Variants in SLC35F4 observed in about 807,000 individuals in gnomAD.
SLC35F4 encodes the protein chromosome 14 open reading frame 36.
In SLC35F4, 24 loss-of-function variants were observed where a neutral mutation model predicts 44.2. The ratio of observed to expected loss-of-function variants is 0.54; its 90% confidence interval spans 0.39 to 0.76. The LOEUF (loss-of-function observed/expected upper bound fraction) is 0.76, where lower values mean the gene tolerates loss of function less well. Among genes scored for constraint, SLC35F4 ranks in the 30% least tolerant of loss-of-function variants. The pLI, the probability that SLC35F4 is intolerant of heterozygous loss-of-function variation, is 0.00. For missense variants in SLC35F4, 562 were observed against 586.1 expected (o/e 0.96, Z 0.42); for synonymous variants, 238 against 223.6 (o/e 1.06, Z -0.57).
At chr14:57,945,041 T>G (rs916423220) in intron 1 of SLC35F4, among the ~76,000 whole-genome samples, 1 of 151,932 alleles carries the variant, frequency 6.6e-6, no homozygotes, top group Non-Finnish European at 1.5e-5. Flanking sequence ...ATCGTCCTCA[T>G]TTTTCCTTTA....
intron 1 of SLC35F4, among the ~76,000 whole-genome samples, chr14:57,628,281 C>T (rs1458598920): frequency 6.9e-6 from 1 of 144,212 alleles, no homozygotes; most frequent in Non-Finnish European, 1.5e-5. Context: ...ATTTATTTCT[C>T]AAGAAAAGTA....
At chr14:57,728,441 C>CTTTTTTTTTTTTTTTTTTT (rs869064667) in intron 1 of SLC35F4, among the ~76,000 whole-genome samples, 3 of 59,026 alleles carry the variant, frequency 5.1e-5, no homozygotes, top group East Asian at 6.0e-4. Flanking sequence ...TTCTTTCTTT[C>CTTTTTTTTTTTTTTTTTTT]TTTTTTTTTT....
At chr14:57,613,413 C>T (rs141943348) in intron 1 of SLC35F4, among the ~76,000 whole-genome samples, 9 of 152,292 alleles carry the variant, frequency 5.9e-5, no homozygotes, top group South Asian at 2.1e-4. Flanking sequence ...GAGGAGATGG[C>T]GGTCTGTGCT....
intron 4 of SLC35F4, chr14:57,579,567 C>A (rs986183912): frequency 1.3e-5 from 2 of 152,152 alleles, no homozygotes; most frequent in African/African-American, 4.8e-5. Context: ...ACTAAAAGAA[C>A]AAAAGAGCCT....
At chr14:57,684,842 G>T (rs1327388930) in intron 1 of SLC35F4, among the ~76,000 whole-genome samples, 1 of 152,108 alleles carries the variant, frequency 6.6e-6, no homozygotes, top group Non-Finnish European at 1.5e-5. Flanking sequence ...TGTTCCTTTT[G>T]TCCTCTCTCT....
chr14:57,584,790 C>T (rs951991280), intron 3 of SLC35F4, among the ~76,000 whole-genome samples: 2 of 151,910 alleles, frequency 1.3e-5, no homozygotes, highest in African/African-American at 2.4e-5. Context: ...ACTTAACTTG[C>T]TTTGAGGTAT....
intron 1 of SLC35F4, among the ~76,000 whole-genome samples, chr14:57,823,621 A>G (rs1883413932): frequency 6.6e-6 from 1 of 152,192 alleles, no homozygotes; most frequent in South Asian, 2.1e-4. Context: ...GAATGAACTA[A>G]TGACTCTGGC....
intron 3 of SLC35F4, 140 bp from the exon 4 acceptor site, chr14:57,581,573 C>A: frequency 1.3e-6 from 1 of 764,666 alleles, no homozygotes; most frequent in South Asian, 2.0e-5. Flanking sequence ...GAACCCAGTT[C>A]TGAAATCTGC....
chr14:57,719,030 G>A (rs777551725), intron 1 of SLC35F4, among the ~76,000 whole-genome samples: 19 of 152,068 alleles, frequency 1.2e-4, no homozygotes, highest in Non-Finnish European at 2.4e-4. Flanking sequence ...AAGAGATAGG[G>A]GCCAAGTTTC....
intron 1 of SLC35F4, among the ~76,000 whole-genome samples, chr14:57,675,758 C>T (rs772582671): frequency 3.9e-5 from 6 of 151,936 alleles, no homozygotes; most frequent in Non-Finnish European, 8.8e-5. Context: ...TTTATCTGCA[C>T]CTATTGAGAT....
intron 1 of SLC35F4, among the ~76,000 whole-genome samples, chr14:57,663,866 G>C (rs538291469): frequency 5.9e-4 from 90 of 152,194 alleles, no homozygotes; most frequent in African/African-American, 2.0e-3. Flanking sequence ...ATTGCAAATT[G>C]GCAGTTCACA....
chr14:57,572,115 T>G, intron 4 of SLC35F4, 96 bp from the exon 5 acceptor site: 6 of 1,383,040 alleles, frequency 4.3e-6, no homozygotes, highest in Non-Finnish European at 5.9e-6. Context: ...AAGTACTTCC[T>G]TAAACCTAAT....
At chr14:57,941,367 T>C (rs1801702119) in intron 1 of SLC35F4, among the ~76,000 whole-genome samples, 1 of 152,208 alleles carries the variant, frequency 6.6e-6, no homozygotes, top group Non-Finnish European at 1.5e-5. Flanking sequence ...AGGAATGAAG[T>C]ACTGATACAT....
intron 7 of SLC35F4, 79 bp downstream of exon 7, chr14:57,566,396 A>T: frequency 7.4e-7 from 1 of 1,348,972 alleles, no homozygotes; most frequent in Non-Finnish European, 1.0e-6. Context: ...TTCTAGAAGG[A>T]ACAACTCAGG....
intron 1 of SLC35F4, chr14:57,630,385 T>G: frequency 1.6e-6 from 1 of 644,402 alleles, no homozygotes; most frequent in South Asian, 1.6e-5. Context: ...ATTCCAAATA[T>G]GATAGATTCA....
At chr14:57,592,351 C>G (rs62005478) in intron 2 of SLC35F4, among the ~76,000 whole-genome samples, 166 of 152,316 alleles carry the variant, frequency 1.1e-3, no homozygotes, top group Middle Eastern at 3.4e-3. Context: ...ATAATATCCA[C>G]AAAATCATGG....
chr14:57,944,879 G>T (rs1337803352), intron 1 of SLC35F4, among the ~76,000 whole-genome samples: 2 of 152,088 alleles, frequency 1.3e-5, no homozygotes, highest in East Asian at 1.9e-4. Context: ...ATCACAAAAG[G>T]CTGCAAAAAC....
chr14:57,947,222 T>G (rs543001332), intron 1 of SLC35F4, among the ~76,000 whole-genome samples: 1 of 151,384 alleles, frequency 6.6e-6, no homozygotes, highest in East Asian at 2.0e-4. Context: ...ATTCGTAAGT[T>G]TTTTGTTGGT....
chr14:57,911,242 A>AT (rs569096726), intron 1 of SLC35F4, among the ~76,000 whole-genome samples: 6 of 151,770 alleles, frequency 4.0e-5, no homozygotes, highest in Non-Finnish European at 7.4e-5. Context: ...CTATAAACAA[A>AT]TTTTTTTTCC....
Sources: allele counts gnomAD v4.1 joint callset (sites outside exome capture counted in the v4.1 genomes callset), GRCh38; gene constraint gnomAD v4.1.1; transcripts MANE v1.5; gene names NCBI Gene and HGNC (gene_info 2026-07-23, HGNC 2026-07-21).